PCLO: variants seen among roughly 807,000 people sequenced by gnomAD.
PCLO encodes the protein protein piccolo.
A neutral mutation model predicts 427.5 loss-of-function variants in PCLO; 82 were observed. That is an observed-to-expected ratio of 0.19 (90% confidence interval 0.16 to 0.23). The LOEUF (loss-of-function observed/expected upper bound fraction) is 0.23. PCLO is among the 10% of genes least tolerant of loss of function. The pLI, the probability that PCLO is intolerant of heterozygous loss-of-function variation, is 1.00. For synonymous variants in PCLO, 2,357 were observed against 2,155.4 expected (o/e 1.09, Z -2.59); for missense variants, 6,239 against 6,115.9 (o/e 1.02, Z -0.67).
chr7:82,812,308 A>G (rs1176382055), intron 20 of PCLO, among the ~76,000 whole-genome samples: 1 of 151,620 alleles, frequency 6.6e-6, no homozygotes, highest in Non-Finnish European at 1.5e-5. Flanking sequence ...ATGAAAATGA[A>G]GTTAGCTTAA....
intron 10 of PCLO, among the ~76,000 whole-genome samples, chr7:82,876,149 C>T (rs1793363237): frequency 6.6e-6 from 1 of 151,996 alleles, no homozygotes. Flanking sequence ...AACACATCAT[C>T]TATTTATTTA....
At position 82,956,112 on chromosome 7, in the gene PCLO, T is replaced by C; in HGVS notation, c.4841A>G (p.Lys1614Arg). 6.2e-7 allele frequency: 1 copy of C among 1,610,282 alleles called. No homozygotes were observed. The highest frequency in any genetic ancestry group is 1.1e-5 in the South Asian group (1 of 91,082). ...TAGKHRRLTRKSSTSIDEDAG... is the reference protein window; with the variant it reads ...TAGKHRRLTRRSSTSIDEDAG... The stretch of plus-strand genomic sequence containing the variant: ...ATCTTCATCAATGCTTGTGCTACTT[T>C]TTCGAGTCAGTCGTCTGTGTTTCCC... The change falls in exon 5 of 25, where the codon AAA becomes AGA. Residue 1614 changes from lysine to arginine, a missense_variant. Coordinates refer to ENST00000333891, the MANE Select transcript of PCLO (RefSeq NM_033026.6).
intron 3 of PCLO, among the ~76,000 whole-genome samples, chr7:83,108,004 A>G (rs924090594): frequency 4.0e-5 from 6 of 150,856 alleles, no homozygotes; most frequent in East Asian, 2.0e-4. Flanking sequence ...AAAAAAAAAA[A>G]AAAAAAAAGG....
intron 20 of PCLO, among the ~76,000 whole-genome samples, chr7:82,814,766 GC>G (rs991214942): frequency 6.6e-5 from 10 of 151,682 alleles, no homozygotes; most frequent in African/African-American, 2.4e-4. Context: ...AAAAATGAGA[GC>G]AAAAAAGCAA....
intron 20 of PCLO, among the ~76,000 whole-genome samples, chr7:82,809,006 T>C (rs1417509774): frequency 6.6e-6 from 1 of 151,964 alleles, no homozygotes; most frequent in African/African-American, 2.4e-5. Context: ...TTTTAATATA[T>C]CTTTTCCAGA....
chr7:82,873,580 A>T (rs1004193972), intron 10 of PCLO, among the ~76,000 whole-genome samples: 5 of 152,202 alleles, frequency 3.3e-5, no homozygotes, highest in African/African-American at 1.2e-4. Flanking sequence ...AGCAAAACAC[A>T]TTCACTATTA....
intron 3 of PCLO, among the ~76,000 whole-genome samples, chr7:82,974,266 A>T (rs1386925510): frequency 6.6e-6 from 1 of 152,140 alleles, no homozygotes; most frequent in African/African-American, 2.4e-5. Context: ...GGCACCTGTA[A>T]TCTCAGCTAC....
At chr7:82,789,659 C>T (rs1415121411) in intron 22 of PCLO, among the ~76,000 whole-genome samples, 2 of 152,080 alleles carry the variant, frequency 1.3e-5, no homozygotes, top group East Asian at 1.9e-4. Context: ...GAGTCGAGAT[C>T]GCACCACTGC....
chr7:83,153,911 C>T (rs1435894932), intron 2 of PCLO, among the ~76,000 whole-genome samples: 1 of 151,350 alleles, frequency 6.6e-6, no homozygotes, highest in Non-Finnish European at 1.5e-5. Context: ...AAAAAAAAAA[C>T]CTCTGAATCT....
intron 22 of PCLO, among the ~76,000 whole-genome samples, chr7:82,790,324 T>G (rs1346379511): frequency 6.6e-6 from 1 of 152,170 alleles, no homozygotes; most frequent in Non-Finnish European, 1.5e-5. Flanking sequence ...TTATCTGAAC[T>G]GTGACTGCTC....
intron 6 of PCLO, among the ~76,000 whole-genome samples, chr7:82,940,089 G>A (rs1261440678): frequency 6.6e-6 from 1 of 152,116 alleles, no homozygotes; most frequent in East Asian, 1.9e-4. Flanking sequence ...CACATCCAAT[G>A]TCATGAGAAT....
At chr7:82,945,059 C>A (rs763752616) in intron 6 of PCLO, among the ~76,000 whole-genome samples, 1 of 152,056 alleles carries the variant, frequency 6.6e-6, no homozygotes, top group Non-Finnish European at 1.5e-5. Context: ...CTAAGTCATA[C>A]CTAGGGAGCA....
At position 82,954,873 on chromosome 7, in the gene PCLO, T is replaced by C. The variant is rs1259974941; in HGVS notation, c.6080A>G (p.Glu2027Gly). Residue 2027 changes from glutamate (E) to glycine (G), a missense_variant, in exon 5 of 25, where the codon GAA (glutamate) becomes GGA (glycine). This residue lies in a region of PCLO where 4,677 missense variants were observed against 4,468.4 expected (regional missense o/e 1.05). Coordinates refer to ENST00000333891, the MANE Select transcript of PCLO (RefSeq NM_033026.6). ...GATAAAAGAGCTTGAAACAATATCT[T>C]CCTGAGGCACAACAGAATGTAAGCT... is the stretch of plus-strand genomic sequence containing the variant. The part of the protein sequence containing the change: ...LESLHSVVPQ[E>G]DIVSSSFIIP... 2.5e-6 allele frequency: 4 copies of C among 1,613,800 alleles called. No homozygotes were observed. The highest frequency in any genetic ancestry group is 3.4e-6 in the Non-Finnish European group (4 of 1,179,860).
intron 6 of PCLO, among the ~76,000 whole-genome samples, chr7:82,940,237 T>C (rs1368362120): frequency 6.6e-6 from 1 of 152,136 alleles, no homozygotes; most frequent in Non-Finnish European, 1.5e-5. Flanking sequence ...AAATGACCAG[T>C]AGAGGTTTTT....
At chr7:82,985,571 T>G (rs1796238289) in intron 3 of PCLO, among the ~76,000 whole-genome samples, 1 of 151,984 alleles carries the variant, frequency 6.6e-6, no homozygotes, top group Admixed American at 6.6e-5. Context: ...GTTTTCTGCT[T>G]GCTTTCTGTG....
At chr7:83,084,348 G>A (rs552871937) in intron 3 of PCLO, among the ~76,000 whole-genome samples, 13 of 152,020 alleles carry the variant, frequency 8.6e-5, no homozygotes, top group South Asian at 2.1e-4. Flanking sequence ...TTTGAAGCCC[G>A]GTAGCAGGAG....
chr7:82,850,758 C>T (rs2115842724), intron 10 of PCLO, among the ~76,000 whole-genome samples: 1 of 152,234 alleles, frequency 6.6e-6, no homozygotes. Flanking sequence ...GTAGGCACTA[C>T]ACAATTCATC....
chr7:82,848,848 A>G, intron 10 of PCLO: 1 of 366,934 alleles, frequency 2.7e-6, no homozygotes, highest in Non-Finnish European at 5.5e-6. Context: ...ACAAACAAGA[A>G]TGACTTTTCT....
At chr7:82,819,538 G>C (rs1464705442) in intron 20 of PCLO, among the ~76,000 whole-genome samples, 2 of 151,998 alleles carry the variant, frequency 1.3e-5, no homozygotes, top group African/African-American at 4.8e-5. Flanking sequence ...TGGAAGAAAA[G>C]GTGAGAGGTG....
Sources: allele counts gnomAD v4.1 joint callset (sites outside exome capture counted in the v4.1 genomes callset), GRCh38; gene constraint gnomAD v4.1.1; regional missense constraint gnomAD v4.1.1; transcripts MANE v1.5; gene names NCBI Gene and HGNC (gene_info 2026-07-23, HGNC 2026-07-21).